The following PDGFC variants were observed in gnomAD, a reference collection of about 807,000 sequenced individuals.
PDGFC encodes the protein platelet derived growth factor C.
Under a neutral mutation model 35.5 loss-of-function variants are expected in PDGFC, and 12 were observed. That is an observed-to-expected ratio of 0.34 (90% CI 0.22 to 0.55). The LOEUF (loss-of-function observed/expected upper bound fraction) is 0.55, where lower values mean the gene tolerates loss of function less well. Among genes scored for constraint, PDGFC ranks in the 20% least tolerant of loss-of-function variants. The pLI is 0.91. For missense variants in PDGFC, 322 were observed against 412.4 expected (o/e 0.78, Z 1.90); for synonymous variants, 159 against 148.8 (o/e 1.07, Z -0.50).
At chr4:156,881,955 T>C (rs1197676240) in intron 1 of PDGFC, among the ~76,000 whole-genome samples, 2 of 151,926 alleles carry the variant, frequency 1.3e-5, no homozygotes, top group African/African-American at 2.4e-5. Flanking sequence ...TCCCCAGACA[T>C]GTGAAACTGT....
intron 1 of PDGFC, among the ~76,000 whole-genome samples, chr4:156,855,242 G>A (rs1299394398): frequency 1.3e-5 from 2 of 152,058 alleles, no homozygotes; most frequent in Admixed American, 6.6e-5. Context: ...AAAGAAGGTG[G>A]TAGTAAGAGA....
chr4:156,949,152 C>A (rs551052012), intron 1 of PDGFC, among the ~76,000 whole-genome samples: 4 of 151,870 alleles, frequency 2.6e-5, no homozygotes, highest in African/African-American at 9.7e-5. Context: ...AATTTACTCA[C>A]CAACGGTCTC....
intron 2 of PDGFC, among the ~76,000 whole-genome samples, chr4:156,846,753 C>T (rs1232190481): frequency 6.6e-6 from 1 of 151,644 alleles, no homozygotes; most frequent in African/African-American, 2.4e-5. Context: ...ATAATGTTGG[C>T]AGCTTACTTT....
chr4:156,867,672 G>C (rs762392224), intron 1 of PDGFC, among the ~76,000 whole-genome samples: 10 of 152,082 alleles, frequency 6.6e-5, no homozygotes, highest in Non-Finnish European at 2.9e-5. Flanking sequence ...AACCTCATGA[G>C]CTTCATATTT....
At chr4:156,957,218 T>C (rs953665918) in intron 1 of PDGFC, among the ~76,000 whole-genome samples, 1 of 151,916 alleles carries the variant, frequency 6.6e-6, no homozygotes, top group Non-Finnish European at 1.5e-5. Flanking sequence ...AATCTTTTCC[T>C]CTCCTCTGGC....
intron 1 of PDGFC, among the ~76,000 whole-genome samples, chr4:156,871,479 C>T (rs888061579): frequency 7.2e-5 from 11 of 152,008 alleles, no homozygotes; most frequent in East Asian, 3.9e-4. Context: ...TGAAGAAATA[C>T]GCCAGGCATA....
chr4:156,883,774 C>T (rs1265330679), intron 1 of PDGFC, among the ~76,000 whole-genome samples: 1 of 152,034 alleles, frequency 6.6e-6, no homozygotes, highest in Non-Finnish European at 1.5e-5. Flanking sequence ...TTATCTAAAC[C>T]ATTATTTTCT....
At chr4:156,786,467 A>C (rs1381513840) in intron 3 of PDGFC, among the ~76,000 whole-genome samples, 2 of 152,230 alleles carry the variant, frequency 1.3e-5, no homozygotes, top group African/African-American at 4.8e-5. Flanking sequence ...TGTGAGGAAG[A>C]TTATCCCATG....
chr4:156,835,096 G>A lies in PDGFC; in HGVS notation c.314+15125C>T, dbSNP rs143069081. Among the ~76,000 whole-genome samples the A allele has an allele frequency of 2.0e-4, 31 of 152,256 alleles. No homozygotes were observed. The East Asian group carries it at 4.2e-3, about 21-fold the overall frequency. ...GTGTGGGATAGGGTCGGAGAGGGCT[G>A]CTACAGAAGTGACATTTCCAGAAAA... On this transcript the variant is annotated intron_variant, in intron 2 of 5. Coordinates refer to ENST00000502773, the MANE Select transcript of PDGFC (RefSeq NM_016205.3).
chr4:156,875,688 T>A (rs1579071141), intron 1 of PDGFC, among the ~76,000 whole-genome samples: 1 of 152,166 alleles, frequency 6.6e-6, no homozygotes, highest in East Asian at 1.9e-4. Flanking sequence ...GAGGCTGAGG[T>A]GGGCAGATCA....
chr4:156,860,470 T>C (rs1729683764), intron 1 of PDGFC, among the ~76,000 whole-genome samples: 2 of 152,252 alleles, frequency 1.3e-5, no homozygotes, highest in African/African-American at 2.4e-5. Flanking sequence ...CTCCACTATG[T>C]TCCTTATAAA....
At chr4:156,907,829 C>T (rs1730951987) in intron 1 of PDGFC, among the ~76,000 whole-genome samples, 2 of 152,254 alleles carry the variant, frequency 1.3e-5, no homozygotes, top group African/African-American at 4.8e-5. Context: ...CTCCAGGTCA[C>T]CAAACATGTC....
intron 3 of PDGFC, among the ~76,000 whole-genome samples, chr4:156,805,882 C>T (rs955407084): frequency 8.6e-5 from 13 of 151,930 alleles, no homozygotes; most frequent in South Asian, 2.1e-4. Flanking sequence ...CTTAATAGCA[C>T]CTCAGGCATC....
intron 1 of PDGFC, among the ~76,000 whole-genome samples, chr4:156,959,555 G>A (rs767611134): frequency 9.2e-5 from 14 of 151,916 alleles, no homozygotes; most frequent in Admixed American, 7.2e-4. Flanking sequence ...CACCACTACC[G>A]GGGAAATTTT....
At chr4:156,888,215 G>C (rs1446378623) in intron 1 of PDGFC, among the ~76,000 whole-genome samples, 1 of 152,012 alleles carries the variant, frequency 6.6e-6, no homozygotes, top group Non-Finnish European at 1.5e-5. Context: ...TATTGCTCCA[G>C]TTATAAGTTC....
chr4:156,839,920 G>C (rs1414040765), intron 2 of PDGFC, among the ~76,000 whole-genome samples: 1 of 152,192 alleles, frequency 6.6e-6, no homozygotes, highest in Non-Finnish European at 1.5e-5. Context: ...TCCTGCCCTA[G>C]AGATGTGTGG....
At chr4:156,934,438 C>T (rs922338937) in intron 1 of PDGFC, among the ~76,000 whole-genome samples, 1 of 152,180 alleles carries the variant, frequency 6.6e-6, no homozygotes, top group Non-Finnish European at 1.5e-5. Context: ...CCGGTAGTTG[C>T]TCTCAGTGAG....
intron 2 of PDGFC, among the ~76,000 whole-genome samples, chr4:156,824,300 AT>A (rs1732361167): frequency 2.7e-5 from 1 of 37,104 alleles, no homozygotes. Context: ...ATATATATAT[AT>A]ATATATATAT....
At chr4:156,830,615 G>C (rs1187213730) in intron 2 of PDGFC, among the ~76,000 whole-genome samples, 1 of 152,110 alleles carries the variant, frequency 6.6e-6, no homozygotes, top group African/African-American at 2.4e-5. Context: ...AGCAATAATA[G>C]TCCTGTCATA....
Sources: allele counts gnomAD v4.1 joint callset (sites outside exome capture counted in the v4.1 genomes callset), GRCh38; gene constraint gnomAD v4.1.1; transcripts MANE v1.5; gene names NCBI Gene and HGNC (gene_info 2026-07-23, HGNC 2026-07-21).